The following IMMP2L variants were observed in gnomAD, a reference collection of about 807,000 sequenced individuals.
The protein encoded by IMMP2L is inner mitochondrial membrane peptidase subunit 2, also known as mitochondrial inner membrane protease subunit 2.
IMMP2L carries 18 observed loss-of-function variants against 19.3 expected under a neutral mutation model. The ratio of observed to expected loss-of-function variants is 0.93; its 90% CI spans 0.64 to 1.38. The LOEUF (loss-of-function observed/expected upper bound fraction) is 1.38, where lower values mean the gene tolerates loss of function less well. Among genes scored for constraint, IMMP2L ranks in the 40% most tolerant of loss-of-function variants. The pLI is 0.00. For synonymous variants in IMMP2L, 76 were observed against 73.0 expected, an observed-to-expected ratio of 1.04 and a Z score of -0.21; for missense variants, 233 against 218.2, an observed-to-expected ratio of 1.07 and a Z score of -0.43.
chr7:111,137,923 C>T (rs1427325732), intron 3 of IMMP2L, among the ~76,000 whole-genome samples: 1 of 152,196 alleles, frequency 6.6e-6, no homozygotes, highest in Non-Finnish European at 1.5e-5. Flanking sequence ...TTCCCAGGCT[C>T]AAGTGATCCT....
intron 3 of IMMP2L, among the ~76,000 whole-genome samples, chr7:111,221,344 T>A (rs192532202): frequency 3.6e-4 from 55 of 152,194 alleles, no homozygotes; most frequent in Non-Finnish European, 1.6e-4. Context: ...TTAGAAAGCA[T>A]TACCCATATC....
intron 3 of IMMP2L, among the ~76,000 whole-genome samples, chr7:111,303,525 C>T (rs577946684): frequency 6.6e-6 from 1 of 152,056 alleles, no homozygotes; most frequent in Non-Finnish European, 1.5e-5. Context: ...CATGACTATG[C>T]AAAGTTAGGG....
At chr7:110,975,508 A>G (rs555073688) in intron 3 of IMMP2L, among the ~76,000 whole-genome samples, 61 of 152,276 alleles carry the variant, frequency 4.0e-4, no homozygotes, top group African/African-American at 1.4e-3. Flanking sequence ...GAAAAGCTCA[A>G]TTGCTTTATT....
At position 110,852,460 on chromosome 7, in the gene IMMP2L, G is replaced by A. The variant is rs74396320; in HGVS notation, c.408+34133C>T. Among the ~76,000 whole-genome samples the A allele has an allele frequency of 1.6e-3, 243 of 152,074 alleles. 3 individuals carry two copies. The highest frequency in any genetic ancestry group is 5.6e-3 in the African/African-American group (234 of 41,522). ...CCAGAATGGTACCTGCACATGCAAC[G>A]GGGTGCATTATAAAACAGAAATCCC... On this transcript the variant is annotated intron_variant, in intron 5 of 5. Transcript: ENST00000405709.
At chr7:111,411,073 T>A (rs1482701589) in intron 3 of IMMP2L, among the ~76,000 whole-genome samples, 1 of 115,858 alleles carries the variant, frequency 8.6e-6, no homozygotes, top group Admixed American at 8.8e-5. Context: ...AACCATGACA[T>A]GATATAATCA....
chr7:110,794,499 A>G (rs547576640), intron 5 of IMMP2L, among the ~76,000 whole-genome samples: 5 of 152,244 alleles, frequency 3.3e-5, no homozygotes, highest in African/African-American at 1.2e-4. Flanking sequence ...CCTTAAAAAA[A>G]TGTATCTTCC....
At chr7:111,511,650 CAAAA>C (rs1252976534) in intron 2 of IMMP2L, among the ~76,000 whole-genome samples, 1 of 53,252 alleles carries the variant, frequency 1.9e-5, no homozygotes, top group Non-Finnish European at 4.2e-5. Flanking sequence ...CTCTGTTGAA[CAAAA>C]AAAAAAAAAA....
chr7:110,928,475 CA>C (rs79902656), intron 4 of IMMP2L, among the ~76,000 whole-genome samples: 667 of 46,818 alleles, frequency 0.014, 10 homozygotes, highest in African/African-American at 0.045. Flanking sequence ...GAGAGAAAAA[CA>C]AAAAAAAAAA....
At chr7:110,793,420 AAAAC>A (rs146489810) in intron 5 of IMMP2L, among the ~76,000 whole-genome samples, 81 of 150,084 alleles carry the variant, frequency 5.4e-4, no homozygotes, top group South Asian at 8.5e-4. Flanking sequence ...ACTCTGTCTC[AAAAC>A]AAACAAACAA....
intron 5 of IMMP2L, among the ~76,000 whole-genome samples, chr7:110,762,459 T>C (rs950995501): frequency 3.9e-5 from 6 of 152,136 alleles, no homozygotes; most frequent in African/African-American, 1.4e-4. Context: ...ACGAACATGT[T>C]CATTTGAAGA....
At chr7:111,121,755 G>A (rs1272122855) in intron 3 of IMMP2L, among the ~76,000 whole-genome samples, 1 of 152,046 alleles carries the variant, frequency 6.6e-6, no homozygotes, top group Non-Finnish European at 1.5e-5. Context: ...ACTAAAACAT[G>A]CTGATATAAA....
Position 110,805,719 on chromosome 7 carries a change from A to G in IMMP2L, c.408+80874T>C, listed in dbSNP as rs535727860. On this transcript the variant is annotated intron_variant, in intron 5 of 5. Transcript: ENST00000405709. ...ATAAAATTGTATTATATCACAGCCA[A>G]ATAAACACAGTAAATCCTCTTCTAA... is the stretch of plus-strand genomic sequence containing the variant. 3.9e-5 allele frequency among the ~76,000 whole-genome samples: 6 copies of G among 152,166 alleles called. No homozygotes were observed. The South Asian group carries it at 8.3e-4, about 21-fold the overall frequency.
At chr7:110,804,979 T>A (rs1801524366) in intron 5 of IMMP2L, among the ~76,000 whole-genome samples, 2 of 152,092 alleles carry the variant, frequency 1.3e-5, no homozygotes, top group African/African-American at 4.8e-5. Flanking sequence ...GGAAAACTCC[T>A]GAAATTAAAT....
chr7:111,502,061 TA>T (rs1844331408), intron 2 of IMMP2L, among the ~76,000 whole-genome samples: 1 of 152,066 alleles, frequency 6.6e-6, no homozygotes, highest in East Asian at 1.9e-4. Context: ...CAGTGTGCTG[TA>T]TTCAGGAAAC....
intron 3 of IMMP2L, among the ~76,000 whole-genome samples, chr7:110,985,580 T>C (rs1821773710): frequency 6.6e-6 from 1 of 152,172 alleles, no homozygotes; most frequent in South Asian, 2.1e-4. Flanking sequence ...AAATAAAGTA[T>C]GTTAGTCAAG....
At chr7:111,281,280 AAG>A (rs1819853027) in intron 3 of IMMP2L, among the ~76,000 whole-genome samples, 1 of 151,736 alleles carries the variant, frequency 6.6e-6, no homozygotes, top group Non-Finnish European at 1.5e-5. Context: ...AAAGAAAGAG[AAG>A]GAAAGAAAGA....
intron 5 of IMMP2L, among the ~76,000 whole-genome samples, chr7:110,845,547 T>C (rs574415048): frequency 6.1e-4 from 93 of 152,164 alleles, no homozygotes; most frequent in Non-Finnish European, 1.0e-3. Context: ...TACACTAGTT[T>C]CTCTCTGTTC....
At chr7:110,872,856 T>C (rs767735852) in intron 5 of IMMP2L, among the ~76,000 whole-genome samples, 3 of 152,218 alleles carry the variant, frequency 2.0e-5, no homozygotes, top group Non-Finnish European at 4.4e-5. Context: ...AAACTGCTCA[T>C]GCTCATGGCC....
chr7:111,516,368 G>C (rs1686165098), intron 2 of IMMP2L, among the ~76,000 whole-genome samples: 1 of 151,620 alleles, frequency 6.6e-6, no homozygotes, highest in South Asian at 2.1e-4. Context: ...AAGAGGAGGG[G>C]GAGGAGGAGG....
Sources: gnomAD v4.1 joint callset for allele counts (sites outside exome capture counted in the v4.1 genomes callset) on GRCh38, gnomAD v4.1.1 for gene constraint, MANE v1.5 for transcripts, NCBI Gene and HGNC (gene_info 2026-07-23, HGNC 2026-07-21) for gene names.